Variants in PPM1L observed in about 807,000 individuals in gnomAD.
PPM1L encodes the protein protein phosphatase, Mg2+/Mn2+ dependent 1L.
A neutral mutation model predicts 31.4 loss-of-function variants in PPM1L; 13 were observed. That is an observed-to-expected ratio of 0.41 (90% confidence interval 0.27 to 0.66). The LOEUF is 0.66. Ranked by LOEUF, PPM1L falls within the 30% of genes least tolerant of loss-of-function variation. The probability of loss-of-function intolerance (pLI) is 0.29; values close to 1 mark genes in which losing one functional copy is unlikely to be tolerated. For synonymous variants in PPM1L, 184 were observed against 175.4 expected (o/e 1.05, Z -0.39); for missense variants, 326 against 453.7 (o/e 0.72, Z 2.56).
At chr3:160,867,633 C>A (rs80258500) in intron 1 of PPM1L, among the ~76,000 whole-genome samples, 4,700 of 151,994 alleles carry the variant, frequency 0.031, 203 homozygotes, top group African/African-American at 0.092. Flanking sequence ...AACTGTAAAC[C>A]TCAAGTTTTT....
At chr3:160,792,791 A>T (rs990208151) in intron 1 of PPM1L, among the ~76,000 whole-genome samples, 1 of 152,202 alleles carries the variant, frequency 6.6e-6, no homozygotes, top group African/African-American at 2.4e-5. Flanking sequence ...TTATGATTAC[A>T]GTTTTATTAT....
chr3:160,965,629 T>A lies in PPM1L; in HGVS notation c.574+3719T>A, dbSNP rs374661903. Reference sequence around the variant, plus strand: ...TTTTCACCTTAGGATATTTTCAATTTACAGTGGGTTTATCAGGATGTAATC... The same window carrying A: ...TTTTCACCTTAGGATATTTTCAATTAACAGTGGGTTTATCAGGATGTAATC... On this transcript the variant is annotated intron_variant, in intron 2 of 3. Coordinates refer to ENST00000498165, the MANE Select transcript of PPM1L (RefSeq NM_139245.4). Among the ~76,000 whole-genome samples, 9 of 152,270 alleles carry A rather than the reference T, an allele frequency of 5.9e-5. 1 individual carries two copies. The highest frequency in any genetic ancestry group is 2.2e-4 in the African/African-American group (9 of 41,572).
At chr3:160,789,688 T>C (rs1408416053) in intron 1 of PPM1L, among the ~76,000 whole-genome samples, 1 of 152,096 alleles carries the variant, frequency 6.6e-6, no homozygotes, top group East Asian at 1.9e-4. Flanking sequence ...ATCAAATATG[T>C]TTTCAAATTT....
At chr3:160,847,325 T>G (rs112567763) in intron 1 of PPM1L, among the ~76,000 whole-genome samples, 4,807 of 152,284 alleles carry the variant, frequency 0.032, 233 homozygotes, top group African/African-American at 0.11. Context: ...ATATTAATTT[T>G]AAAACATTGC....
rs773716819 is a variant in PPM1L at position 160,756,541 on chromosome 3, T to C, written c.233T>C (p.Leu78Pro). ...QNDRLGGLDV[L>P]EAEFSKTWEF... ...GATCGACTCGGGGGGCTTGATGTGCTCGAGGCCGAGTTTTCCAAGACCTGG... is the reference window on the plus strand; with the variant it reads ...GATCGACTCGGGGGGCTTGATGTGCCCGAGGCCGAGTTTTCCAAGACCTGG... The change falls in exon 1 of 4, where the codon CTC (leucine) becomes CCC (proline). Residue 78 changes from leucine to proline, a missense_variant. This residue lies in a region of PPM1L where 83 missense variants were observed against 79.4 expected (regional missense o/e 1.04). Coordinates refer to ENST00000498165, the MANE Select transcript of PPM1L (RefSeq NM_139245.4). The surrounding 1 kb of genome is among the most constrained non-coding windows in gnomAD (Gnocchi z 6.2). 3 of 1,614,078 alleles carry C rather than the reference T, an allele frequency of 1.9e-6. No individual in the cohort carries two copies. Among genetic ancestry groups the C allele is most frequent in the East Asian group, 2.2e-5 (1 of 44,860 alleles).
chr3:160,823,126 C>G (rs1173512832), intron 1 of PPM1L, among the ~76,000 whole-genome samples: 2 of 151,992 alleles, frequency 1.3e-5, no homozygotes, highest in Non-Finnish European at 2.9e-5. Context: ...TGTACAGGCA[C>G]TGGACTCCTG....
intron 2 of PPM1L, among the ~76,000 whole-genome samples, chr3:161,016,045 C>T (rs1290308138): frequency 1.3e-5 from 2 of 152,048 alleles, no homozygotes; most frequent in Non-Finnish European, 2.9e-5. Flanking sequence ...TGGCAGGTCA[C>T]CAAAAGGTGT....
intron 1 of PPM1L, among the ~76,000 whole-genome samples, chr3:160,944,813 TATATATGTTATATATAAC>T (rs1715293605): frequency 6.4e-5 from 1 of 15,574 alleles, no homozygotes; most frequent in African/African-American, 1.8e-4. Context: ...ATATATAACA[TATATATGTTATATATAAC>T]ATATATATGT....
intron 2 of PPM1L, among the ~76,000 whole-genome samples, chr3:161,037,559 C>G (rs913112516): frequency 1.3e-5 from 2 of 150,680 alleles, no homozygotes; most frequent in Non-Finnish European, 2.9e-5. Context: ...GGATTACAGG[C>G]ATGCGCCACC....
chr3:161,045,295 C>T (rs899451746), intron 2 of PPM1L, among the ~76,000 whole-genome samples: 3 of 152,222 alleles, frequency 2.0e-5, no homozygotes, highest in Non-Finnish European at 4.4e-5. Flanking sequence ...CAGAGCGCTC[C>T]ACCACAAATC....
intron 2 of PPM1L, among the ~76,000 whole-genome samples, chr3:161,058,888 GT>G (rs2108104877): frequency 6.6e-6 from 1 of 152,258 alleles, no homozygotes; most frequent in East Asian, 1.9e-4. Context: ...AGGATTTACA[GT>G]TTTCTCAAGC....
chr3:160,857,868 A>T (rs1193825712), intron 1 of PPM1L, among the ~76,000 whole-genome samples: 1 of 152,138 alleles, frequency 6.6e-6, no homozygotes, highest in Non-Finnish European at 1.5e-5. Flanking sequence ...TCTCTTTTTC[A>T]GATATATGCA....
chr3:160,928,612 A>C (rs910793765), intron 1 of PPM1L, among the ~76,000 whole-genome samples: 1 of 152,178 alleles, frequency 6.6e-6, no homozygotes, highest in African/African-American at 2.4e-5. Flanking sequence ...GTTTGTGTTG[A>C]AACTTAATCC....
Position 160,914,348 on chromosome 3 carries a change from T to G in PPM1L, c.400-47388T>G, listed in dbSNP as rs188374780. 4.5e-3 allele frequency among the ~76,000 whole-genome samples: 691 copies of G among 152,178 alleles called. 6 individuals carry two copies. Among genetic ancestry groups the G allele is most frequent in the African/African-American group, 0.015 (635 of 41,516 alleles). ...TACATGTGCACAACGTGCAGGTTAG[T>G]TACATATGTATACATGTGCCATGTT... On this transcript the variant is annotated intron_variant, in intron 1 of 3. Coordinates refer to ENST00000498165, the MANE Select transcript of PPM1L (RefSeq NM_139245.4).
chr3:161,023,951 A>G (rs1718305896), intron 2 of PPM1L, among the ~76,000 whole-genome samples: 1 of 152,158 alleles, frequency 6.6e-6, no homozygotes. Flanking sequence ...TTCAAATTCC[A>G]CTGTGGACAT....
At chr3:161,060,215 TACA>T (rs1034986546) in intron 2 of PPM1L, among the ~76,000 whole-genome samples, 25 of 151,810 alleles carry the variant, frequency 1.6e-4, no homozygotes, top group African/African-American at 1.9e-4. Flanking sequence ...ACATTTGAGC[TACA>T]ACATCTTCAT....
intron 1 of PPM1L, among the ~76,000 whole-genome samples, chr3:160,903,137 A>C (rs1045328158): frequency 1.3e-5 from 2 of 149,422 alleles, no homozygotes; most frequent in African/African-American, 2.5e-5. Context: ...TGTGTCAGTC[A>C]GGGTTGTCCA....
intron 2 of PPM1L, among the ~76,000 whole-genome samples, chr3:161,014,919 A>G (rs1206021460): frequency 6.6e-6 from 1 of 152,150 alleles, no homozygotes; most frequent in Non-Finnish European, 1.5e-5. Context: ...TTACGGTGCA[A>G]AATCATTATG....
chr3:160,876,251 G>C (rs961455020), intron 1 of PPM1L, among the ~76,000 whole-genome samples: 1 of 152,144 alleles, frequency 6.6e-6, no homozygotes, highest in Non-Finnish European at 1.5e-5. Context: ...ACTTATGACA[G>C]TAAATCAAGG....
Sources: gnomAD v4.1 joint callset for allele counts (sites outside exome capture counted in the v4.1 genomes callset) on GRCh38, gnomAD v4.1.1 for gene constraint, gnomAD v4.1.1 regional missense constraint, Gnocchi (gnomAD v3.1) non-coding constraint, MANE v1.5 for transcripts, NCBI Gene and HGNC (gene_info 2026-07-23, HGNC 2026-07-21) for gene names.